The following CSMD1 variants were observed in gnomAD, a reference collection of about 807,000 sequenced individuals.
The protein encoded by CSMD1 is CUB and Sushi multiple domains 1.
Under a neutral mutation model 417.5 loss-of-function variants are expected in CSMD1, and 213 were observed. The observed-to-expected ratio is 0.51, with a 90% CI of 0.46 to 0.57. The LOEUF (loss-of-function observed/expected upper bound fraction) is 0.57, where lower values mean the gene tolerates loss of function less well. Ranked by LOEUF, CSMD1 falls within the 20% of genes least tolerant of loss-of-function variation. The pLI is 0.00. For synonymous variants in CSMD1, 2,862 were observed against 1,736.8 expected, an observed-to-expected ratio of 1.65 and a Z score of -16.11; for missense variants, 6,923 against 4,529.7, an observed-to-expected ratio of 1.53 and a Z score of -15.17.
At chr8:3,230,450 GA>G (rs1337214597) in intron 26 of CSMD1, among the ~76,000 whole-genome samples, 1 of 151,892 alleles carries the variant, frequency 6.6e-6, no homozygotes, top group African/African-American at 2.4e-5. Flanking sequence ...AGATTCTGTT[GA>G]AAATGCAACC....
At chr8:4,845,379 G>T (rs993735953) in intron 1 of CSMD1, among the ~76,000 whole-genome samples, 4 of 152,114 alleles carry the variant, frequency 2.6e-5, no homozygotes, top group African/African-American at 9.7e-5. Flanking sequence ...ACCATACATG[G>T]GATGATCCTG....
At chr8:4,826,030 G>A (rs1476388691) in intron 1 of CSMD1, among the ~76,000 whole-genome samples, 1 of 151,896 alleles carries the variant, frequency 6.6e-6, no homozygotes, top group Non-Finnish European at 1.5e-5. Flanking sequence ...CTTTTTCACT[G>A]TCCATTGAAC....
chr8:4,590,489 T>A (rs1182739691), intron 2 of CSMD1, among the ~76,000 whole-genome samples: 1 of 152,198 alleles, frequency 6.6e-6, no homozygotes, highest in East Asian at 1.9e-4. Flanking sequence ...AAATAAAATT[T>A]ATAGCTTTAT....
At chr8:3,646,334 A>G (rs1350727794) in intron 7 of CSMD1, among the ~76,000 whole-genome samples, 4 of 152,222 alleles carry the variant, frequency 2.6e-5, no homozygotes, top group African/African-American at 9.6e-5. Flanking sequence ...AGATATTAAA[A>G]CATTGAATAT....
intron 6 of CSMD1, among the ~76,000 whole-genome samples, chr8:3,735,061 T>C (rs1318228549): frequency 2.6e-5 from 4 of 152,300 alleles, no homozygotes; most frequent in South Asian, 2.1e-4. Flanking sequence ...AATGTGGACA[T>C]GGGAGGACAC....
intron 12 of CSMD1, among the ~76,000 whole-genome samples, chr8:3,443,321 G>T (rs555144787): frequency 1.8e-4 from 28 of 152,210 alleles, no homozygotes; most frequent in African/African-American, 5.1e-4. Context: ...GTGCTGTACA[G>T]CCAGAGAAAG....
At chr8:3,703,092 C>A (rs971657577) in intron 7 of CSMD1, among the ~76,000 whole-genome samples, 1 of 152,092 alleles carries the variant, frequency 6.6e-6, no homozygotes, top group Non-Finnish European at 1.5e-5. Flanking sequence ...ATATTAATGA[C>A]TATCTTAATA....
Position 2,974,486 on chromosome 8 carries a change from T to C in CSMD1, c.8705A>G (p.Asp2902Gly), listed in dbSNP as rs188747991. 5 of 1,612,732 alleles carry C rather than the reference T, an allele frequency of 3.1e-6. No individual in the cohort carries two copies. The highest frequency in any genetic ancestry group is 2.2e-5 in the East Asian group (1 of 44,796). The stretch of plus-strand genomic sequence containing the variant: ...GGGCAGTGCCCCGCTCCAGTGACTG[T>C]CTTCCTGGCACACTCTCGTGTCGTT... ...IGNDTRVCQEDSHWSGALPHC... is the reference protein window; with the variant it reads ...IGNDTRVCQEGSHWSGALPHC... The change falls in exon 56 of 70, where the codon GAC becomes GGC. Residue 2902 changes from aspartate to glycine, a missense_variant. Coordinates refer to ENST00000635120, the MANE Select transcript of CSMD1 (RefSeq NM_033225.6).
At chr8:4,278,459 A>G (rs1796606005) in intron 3 of CSMD1, among the ~76,000 whole-genome samples, 1 of 152,230 alleles carries the variant, frequency 6.6e-6, no homozygotes, top group Non-Finnish European at 1.5e-5. Flanking sequence ...ATAAAATATA[A>G]TTTTTTAACA....
intron 6 of CSMD1, among the ~76,000 whole-genome samples, chr8:3,748,659 G>A (rs1421797770): frequency 6.6e-6 from 1 of 152,204 alleles, no homozygotes; most frequent in Non-Finnish European, 1.5e-5. Context: ...CTCAGAAAAT[G>A]TGAGCATTGG....
At chr8:3,007,202 T>A (rs914659167) in intron 52 of CSMD1, among the ~76,000 whole-genome samples, 20 of 149,592 alleles carry the variant, frequency 1.3e-4, no homozygotes, top group African/African-American at 5.0e-4. Flanking sequence ...ATCAGAGAAA[T>A]GCAAATCAAA....
chr8:4,168,475 G>C (rs181181098), intron 3 of CSMD1, among the ~76,000 whole-genome samples: 141 of 151,784 alleles, frequency 9.3e-4, no homozygotes, highest in Non-Finnish European at 7.4e-5. Flanking sequence ...AAAGGGATGT[G>C]GTAAAAGTAG....
intron 4 of CSMD1, among the ~76,000 whole-genome samples, chr8:4,007,348 C>T (rs1426989269): frequency 6.6e-6 from 1 of 152,206 alleles, no homozygotes; most frequent in African/African-American, 2.4e-5. Flanking sequence ...CCCATTTCCT[C>T]TTTTCCTCAC....
At chr8:3,335,351 C>T (rs1807186495) in intron 23 of CSMD1, among the ~76,000 whole-genome samples, 1 of 152,108 alleles carries the variant, frequency 6.6e-6, no homozygotes, top group African/African-American at 2.4e-5. Flanking sequence ...GGTGTGTGTC[C>T]CAACGACACA....
rs141571168 is a variant in CSMD1 at position 2,947,737 on chromosome 8, G to A, written c.10402+1562C>T. On this transcript the variant is annotated intron_variant, in intron 68 of 69. Transcript: ENST00000635120. ...AGGAGGACAAATAACTCCAGGATTCGGCTTAGAGCAAGAGAAAAAACATCA... is the reference window on the plus strand; with the variant it reads ...AGGAGGACAAATAACTCCAGGATTCAGCTTAGAGCAAGAGAAAAAACATCA... 1.2e-3 allele frequency among the ~76,000 whole-genome samples: 188 copies of A among 152,126 alleles called. 1 individual carries two copies. The East Asian group carries it at 0.028, about 23-fold the overall frequency.
At chr8:3,307,535 G>A (rs1012149918) in intron 25 of CSMD1, among the ~76,000 whole-genome samples, 160 bp downstream of exon 25, 1 of 152,214 alleles carries the variant, frequency 6.6e-6, no homozygotes, top group Non-Finnish European at 1.5e-5. Flanking sequence ...CAACAGCAAA[G>A]TAAGCAAGTG....
At chr8:3,491,767 A>C (rs540470044) in intron 11 of CSMD1, among the ~76,000 whole-genome samples, 2 of 152,360 alleles carry the variant, frequency 1.3e-5, no homozygotes, top group East Asian at 3.9e-4. Context: ...TCTTTTTACT[A>C]GCATGGAAAT....
chr8:3,093,044 T>C (rs1755157174), intron 47 of CSMD1, among the ~76,000 whole-genome samples: 1 of 152,180 alleles, frequency 6.6e-6, no homozygotes, highest in Admixed American at 6.5e-5. Context: ...TCTCATGATT[T>C]TTTTCAAGTA....
intron 52 of CSMD1, among the ~76,000 whole-genome samples, chr8:3,015,089 G>A (rs904690266): frequency 6.8e-5 from 9 of 131,564 alleles, no homozygotes; most frequent in African/African-American, 2.5e-4. Context: ...GTTTTTAAAA[G>A]CTTCTTAATG....
Sources: allele counts gnomAD v4.1 joint callset (sites outside exome capture counted in the v4.1 genomes callset), GRCh38; gene constraint gnomAD v4.1.1; transcripts MANE v1.5; gene names NCBI Gene and HGNC (gene_info 2026-07-23, HGNC 2026-07-21).